Variants in CCDC9B observed in about 807,000 individuals in gnomAD.
The protein encoded by CCDC9B is coiled-coil domain-containing protein 9B.
CCDC9B carries 40 observed loss-of-function variants against 47.2 expected under a neutral mutation model. That is an observed-to-expected ratio of 0.85 (90% CI 0.66 to 1.10). CCDC9B has a LOEUF of 1.10. Ranked by LOEUF, CCDC9B falls within the 50% of genes least tolerant of loss-of-function variation. The pLI, the probability that CCDC9B is intolerant of heterozygous loss-of-function variation, is 0.00. For synonymous variants in CCDC9B, 238 were observed against 250.7 expected, an observed-to-expected ratio of 0.95 and a Z score of 0.48; for missense variants, 662 against 651.0, an observed-to-expected ratio of 1.02 and a Z score of -0.18.
In CCDC9B at chr15:40,337,723, C is replaced by T. The variant is rs751005386; in HGVS notation, c.683+1G>A. On this transcript the variant is annotated splice_donor_variant, in intron 6 of 10. Transcript: ENST00000397536. LOFTEE classifies it high-confidence loss of function. ...GCAACCTGCCCAACCCAGCCACCCA[C>T]GTGGACTTGGCCTTGTCCAGGTCCC... 13 of 1,591,244 alleles carry T rather than the reference C, an allele frequency of 8.2e-6. No individual in the cohort carries two copies. Among genetic ancestry groups the T allele is most frequent in the Middle Eastern group, 1.8e-4 (1 of 5,606 alleles).
chr15:40,336,636 C>T lies in CCDC9B; in HGVS notation c.825G>A (p.Ser275=), dbSNP rs1287757801. Residue 275 remains serine, a synonymous_variant, in exon 9 of 11, where the codon TCG becomes TCA. Transcript: ENST00000397536. ...KGRGGQASRP[S]VAPATGSKAR... ...CTTTGCTGCCTGTGGCTGGTGCCAC[C>T]GAGGGTCTGCTGGCTTGCCCGCCCC... 7.4e-6 allele frequency: 12 copies of T among 1,613,032 alleles called. No individual in the cohort carries two copies. The highest frequency in any genetic ancestry group is 1.7e-4 in the Middle Eastern group (1 of 5,880).
intron 9 of CCDC9B, 168 bp from the exon 10 acceptor site, chr15:40,335,994 C>G: frequency 3.0e-6 from 3 of 985,352 alleles, no homozygotes; most frequent in Non-Finnish European, 3.6e-6. Context: ...AGGGGTGACC[C>G]AGACTCTCCC....
Position 40,339,972 on chromosome 15 carries a change from T to A in CCDC9B, c.56A>T (p.Asp19Val). The change falls in exon 2 of 11, where the codon GAC becomes GTC. Residue 19 changes from aspartate to valine, a missense_variant. Coordinates refer to ENST00000397536, the MANE Select transcript of CCDC9B (RefSeq NM_207380.3). ...AACTATCCTCCGATCCAGCTCTGCGTCCTTCTCCTGCCTGCTCATGGGGGA... is the reference window on the plus strand; with the variant it reads ...AACTATCCTCCGATCCAGCTCTGCGACCTTCTCCTGCCTGCTCATGGGGGA... ...AESPMSRQEK[D>V]AELDRRIVAL... 6.2e-7 allele frequency: 1 copy of A among 1,613,848 alleles called. No homozygotes were observed. The highest frequency in any genetic ancestry group is 8.5e-7 in the Non-Finnish European group (1 of 1,179,956).
Position 40,335,521 on chromosome 15 carries a change from C to T in CCDC9B, c.1110G>A (p.Glu370=), listed in dbSNP as rs1489899411. ...TASSVPCSPQ[E]PDLAPLDLSL... ...AGAGGTCAAGAGGAGCCAAGTCAGGCTCCTGTGGAGAGCAGGGGACTGAGC... is the reference window on the plus strand; with the variant it reads ...AGAGGTCAAGAGGAGCCAAGTCAGGTTCCTGTGGAGAGCAGGGGACTGAGC... Residue 370 remains glutamate (E), a synonymous_variant, in exon 11 of 11, where the codon GAG becomes GAA. Transcript: ENST00000397536. 6 of 1,549,666 alleles carry T rather than the reference C, an allele frequency of 3.9e-6. No homozygotes were observed. The highest frequency in any genetic ancestry group is 4.4e-6 in the Non-Finnish European group (5 of 1,146,140).
chr15:40,338,156 G>A (rs376719355), intron 5 of CCDC9B: 5 of 720,724 alleles, frequency 6.9e-6, no homozygotes, highest in Admixed American at 2.0e-5. Context: ...TGTTGCAGGG[G>A]TATGCAGACG....
At chr15:40,338,957 G>T (rs762520056) in intron 3 of CCDC9B, 54 bp from the exon 4 acceptor site, 4 of 1,602,468 alleles carry the variant, frequency 2.5e-6, no homozygotes, top group Non-Finnish European at 3.4e-6. Context: ...GGACCTGGGT[G>T]CTGGGTCCTC....
chr15:40,336,405 CGCT>C, intron 9 of CCDC9B, 166 bp downstream of exon 9: 1 of 985,428 alleles, frequency 1.0e-6, no homozygotes, highest in Non-Finnish European at 1.2e-6. Flanking sequence ...ACCAGGCTCT[CGCT>C]GCAGCCTCTG....
chr15:40,336,492 A>G, intron 9 of CCDC9B, 82 bp downstream of exon 9: 1 of 1,520,856 alleles, frequency 6.6e-7, no homozygotes, highest in Non-Finnish European at 8.8e-7. Context: ...CCAGGGATGG[A>G]GCTGGCACCT....
intron 5 of CCDC9B, 96 bp from the exon 6 acceptor site, chr15:40,337,989 A>C: frequency 8.2e-7 from 1 of 1,224,132 alleles, no homozygotes; most frequent in Non-Finnish European, 1.2e-6. Context: ...CAAGGTTTCC[A>C]CATCTCCAGC....
rs139346626 is a variant in CCDC9B at position 40,335,195 on chromosome 15, C to T, written c.1436G>A (p.Arg479His). 202 of 1,543,880 alleles carry T rather than the reference C, an allele frequency of 1.3e-4. No individual in the cohort carries two copies. The highest frequency in any genetic ancestry group is 9.6e-5 in the African/African-American group (7 of 73,014). The change falls in exon 11 of 11, where the codon CGC (arginine) becomes CAC (histidine). Residue 479 changes from arginine (R) to histidine (H), a missense_variant. Physicochemically the swap from Arg to His is conservative, Grantham distance 29. Transcript: ENST00000397536. ...TGCCGGGCCAGGGCGCCCTGTCCTG[C>T]GCCTCACACCTGCTGTGCCTCTCGA... ...QRSRGTAGVR[R>H]RTGRPGPAGR...
chr15:40,336,997 C>A, intron 7 of CCDC9B, 184 bp from the exon 8 acceptor site: 1 of 610,864 alleles, frequency 1.6e-6, no homozygotes, highest in Non-Finnish European at 2.9e-6. Context: ...CACTCCATGG[C>A]TAGGTGTCTG....
Position 40,335,313 on chromosome 15 carries a change from GCCCTGCTCCTCTCTGTGGCT to G in CCDC9B, c.1298_1317del (p.Glu433AlafsTer72). 1 of 1,613,572 alleles carries G rather than the reference GCCCTGCTCCTCTCTGTGGCT, an allele frequency of 6.2e-7. No individual in the cohort carries two copies. The highest frequency in any genetic ancestry group is 1.1e-5 in the South Asian group (1 of 91,066). On this transcript the variant is annotated frameshift_variant, in exon 11 of 11. Coordinates refer to ENST00000397536, the MANE Select transcript of CCDC9B (RefSeq NM_207380.3). LOFTEE classifies it high-confidence loss of function. ...GACCTGTCTTCTCCGGGCTCTGGGA[GCCCTGCTCCTCTCTGTGGCT>G]CAGGGCAAGTCTGTACTTCCAGCTC...
Position 40,337,907 on chromosome 15 carries a change from A to G in CCDC9B, c.514-14T>C, listed in dbSNP as rs1207107586. ...CTCCCAAGAACCCTGTAGGGAGAAG[A>G]CACTCAGAGTGAGGGGGAGAAGCAG... On this transcript the variant is annotated splice_polypyrimidine_tract_variant and intron_variant, in intron 5 of 10. Coordinates refer to ENST00000397536, the MANE Select transcript of CCDC9B (RefSeq NM_207380.3). The G allele has an allele frequency of 2.5e-6, 4 of 1,587,136 alleles. No homozygotes were observed. The East Asian group carries it at 9.0e-5, about 36-fold the overall frequency.
chr15:40,335,103 C>T lies in CCDC9B; in HGVS notation c.*55G>A. On this transcript the variant is annotated 3_prime_UTR_variant, in exon 11 of 11. Transcript: ENST00000397536. ...TGGCCATCACGCGGAGGGCCTTTAA[C>T]AGAGTGATTCCCTTTTCCTCTCCCC... 2 of 1,452,142 alleles carry T rather than the reference C, an allele frequency of 1.4e-6. No homozygotes were observed. Among genetic ancestry groups the T allele is most frequent in the Non-Finnish European group, 1.8e-6 (2 of 1,094,534 alleles). The allele number at this position is 1,452,142 out of a possible 1,614,324, so 90.0% of individuals were successfully genotyped here. A position where few individuals can be genotyped will look rare whatever the true frequency, so the allele number is the denominator to read the frequency against.
chr15:40,338,998 C>G (rs1889029004), intron 3 of CCDC9B, 95 bp from the exon 4 acceptor site: 2 of 1,351,740 alleles, frequency 1.5e-6, no homozygotes, highest in Non-Finnish European at 2.1e-6. Flanking sequence ...GGTTCCAACC[C>G]CAGCCCTCCC....
intron 6 of CCDC9B, 96 bp from the exon 7 acceptor site, chr15:40,337,542 A>AG: frequency 7.9e-7 from 1 of 1,264,804 alleles, no homozygotes; most frequent in Non-Finnish European, 1.1e-6. Flanking sequence ...CCAGAATTGA[A>AG]GGCAGCAGGG....
At chr15:40,337,614 G>T in intron 6 of CCDC9B, 110 bp downstream of exon 6, 2 of 1,307,512 alleles carry the variant, frequency 1.5e-6, no homozygotes, top group Non-Finnish European at 2.1e-6. Context: ...CGACCAGAAT[G>T]CCCAGCAAGG....
rs1184782072 is a variant in CCDC9B at position 40,332,822 on chromosome 15, G to A, written c.*2336C>T. Reference sequence around the variant, plus strand: ...GGGAGTCATGGATTCCTAGGCCAGTGTCACACTCCAAAGCCATGTTCTTGT... The same window carrying A: ...GGGAGTCATGGATTCCTAGGCCAGTATCACACTCCAAAGCCATGTTCTTGT... On this transcript the variant is annotated 3_prime_UTR_variant, in exon 11 of 11. Transcript: ENST00000397536. 1.3e-5 allele frequency: 2 copies of A among 152,130 alleles called. No homozygotes were observed. Among genetic ancestry groups the A allele is most frequent in the Non-Finnish European group, 2.9e-5 (2 of 68,026 alleles). 9.4% of individuals were successfully genotyped at this position (152,130 alleles called of 1,614,324 possible).
chr15:40,337,968 G>A (rs938249829), intron 5 of CCDC9B, 75 bp from the exon 6 acceptor site: 44 of 1,422,022 alleles, frequency 3.1e-5, no homozygotes, highest in Middle Eastern at 3.5e-4. Flanking sequence ...GACTCCAGGC[G>A]CTTCCTCTCT....
Sources: gnomAD v4.1 joint callset for allele counts on GRCh38, gnomAD v4.1.1 for gene constraint, MANE v1.5 for transcripts, NCBI Gene and HGNC (gene_info 2026-07-23, HGNC 2026-07-21) for gene names.